The following FGF12 variants were observed in gnomAD, a reference collection of about 807,000 sequenced individuals.
The protein encoded by FGF12 is fibroblast growth factor 12B.
A neutral mutation model predicts 23.6 loss-of-function variants in FGF12; 14 were observed. The observed-to-expected ratio is 0.59, with a 90% CI of 0.39 to 0.93. The LOEUF is 0.93. Among genes scored for constraint, FGF12 ranks in the 40% least tolerant of loss-of-function variants. FGF12 has a pLI of 0.00. For synonymous variants in FGF12, 62 were observed against 77.3 expected, an observed-to-expected ratio of 0.80 and a Z score of 1.04; for missense variants, 175 against 217.8, an observed-to-expected ratio of 0.80 and a Z score of 1.24.
At chr3:192,555,117 T>C (rs1711707139) in intron 2 of FGF12, among the ~76,000 whole-genome samples, 1 of 152,248 alleles carries the variant, frequency 6.6e-6, no homozygotes, top group East Asian at 1.9e-4. Context: ...GAAAGATTAT[T>C]TGAAGAAGTA....
At chr3:192,248,698 T>G (rs1307178004) in intron 4 of FGF12, among the ~76,000 whole-genome samples, 1 of 152,160 alleles carries the variant, frequency 6.6e-6, no homozygotes, top group Non-Finnish European at 1.5e-5. Flanking sequence ...GGATGACTTC[T>G]GCCCCGGGGG....
chr3:192,727,422 G>T, intron 1 of FGF12, 62 bp downstream of exon 1: 1 of 1,292,822 alleles, frequency 7.7e-7, no homozygotes, highest in Non-Finnish European at 1.0e-6. Context: ...ACGTTGCGAC[G>T]CGCATCTGAT....
intron 2 of FGF12, among the ~76,000 whole-genome samples, chr3:192,689,179 G>A (rs1327067244): frequency 1.3e-5 from 2 of 152,112 alleles, no homozygotes; most frequent in African/African-American, 4.8e-5. Flanking sequence ...CCAGAGTAAG[G>A]TGACTACAGG....
chr3:192,148,463 T>G (rs1289585435), intron 5 of FGF12, among the ~76,000 whole-genome samples: 1 of 152,170 alleles, frequency 6.6e-6, no homozygotes, highest in East Asian at 1.9e-4. Flanking sequence ...GAATGGGGAT[T>G]TCTTATTTAA....
chr3:192,427,192 C>T (rs1721713526), intron 2 of FGF12, among the ~76,000 whole-genome samples: 1 of 151,864 alleles, frequency 6.6e-6, no homozygotes, highest in Non-Finnish European at 1.5e-5. Context: ...ACCAGCCTGA[C>T]CAACATGGTG....
intron 2 of FGF12, among the ~76,000 whole-genome samples, chr3:192,465,162 G>A (rs924203562): frequency 1.3e-5 from 2 of 152,102 alleles, no homozygotes; most frequent in African/African-American, 4.8e-5. Context: ...TTTTTACCTT[G>A]CAGAACTTTT....
chr3:192,501,677 C>G (rs1332595162), intron 2 of FGF12, among the ~76,000 whole-genome samples: 1 of 152,122 alleles, frequency 6.6e-6, no homozygotes, highest in Non-Finnish European at 1.5e-5. Flanking sequence ...ACCGTAATTG[C>G]CAGAGAAGAT....
intron 4 of FGF12, chr3:192,245,127 G>C (rs1324730105): frequency 1.4e-5 from 2 of 139,152 alleles, no homozygotes; most frequent in African/African-American, 5.4e-5. Context: ...GCAGGAACTC[G>C]TTTTGTCATC....
chr3:192,293,577 G>T (rs1303355033), intron 4 of FGF12, among the ~76,000 whole-genome samples: 1 of 152,174 alleles, frequency 6.6e-6, no homozygotes, highest in Non-Finnish European at 1.5e-5. Context: ...AGAGAATAAT[G>T]CAGGTGAATA....
chr3:192,227,380 T>C (rs1388209544), intron 4 of FGF12, among the ~76,000 whole-genome samples: 1 of 152,028 alleles, frequency 6.6e-6, no homozygotes, highest in East Asian at 1.9e-4. Flanking sequence ...ATCCTTTCCT[T>C]TGCTTTTATG....
intron 2 of FGF12, chr3:192,516,597 G>C (rs983754763): frequency 3.2e-4 from 49 of 152,346 alleles, no homozygotes; most frequent in African/African-American, 1.1e-3. Context: ...CAGAACATCT[G>C]GAGGGCCGCT....
At chr3:192,303,821 G>A (rs1482237951) in intron 4 of FGF12, among the ~76,000 whole-genome samples, 1 of 152,154 alleles carries the variant, frequency 6.6e-6, no homozygotes, top group Non-Finnish European at 1.5e-5. Flanking sequence ...TCTCACAGCA[G>A]TGTTGTGCTA....
At chr3:192,293,271 A>G (rs531849193) in intron 4 of FGF12, among the ~76,000 whole-genome samples, 1 of 152,328 alleles carries the variant, frequency 6.6e-6, no homozygotes, top group African/African-American at 2.4e-5. Context: ...TAGAGGAAGA[A>G]AAACACTTTC....
chr3:192,513,075 T>G (rs577179658), intron 2 of FGF12, among the ~76,000 whole-genome samples: 49 of 151,868 alleles, frequency 3.2e-4, no homozygotes, highest in African/African-American at 1.2e-3. Flanking sequence ...TAATTTGACA[T>G]GAGAGACTGC....
chr3:192,303,641 T>C (rs1310829439), intron 4 of FGF12, among the ~76,000 whole-genome samples: 1 of 152,222 alleles, frequency 6.6e-6, no homozygotes, highest in African/African-American at 2.4e-5. Flanking sequence ...GTGTTTAAAT[T>C]ATGAACAGGT....
rs530158995 is a variant in FGF12, at chr3:192,263,943, T to A, written c.228+71418A>T. On this transcript the variant is annotated intron_variant, in intron 4 of 5. Coordinates refer to ENST00000445105, the MANE Select transcript of FGF12 (RefSeq NM_004113.6). The stretch of plus-strand genomic sequence containing the variant: ...TCAAAATCATCTTAAACAGTTAATA[T>A]CAGTATGCAGAATAAAACTGAACTT... Among the ~76,000 whole-genome samples the A allele has an allele frequency of 2.0e-5, 3 of 152,194 alleles. No individual in the cohort carries two copies. In the South Asian group the frequency reaches 6.2e-4, roughly 32 times the overall value.
rs1452181660 is a variant in FGF12 at position 192,466,003 on chromosome 3, G to A, written c.14-105465C>T. On this transcript the variant is annotated intron_variant, in intron 2 of 5. Transcript: ENST00000445105. ...ATGACTGGAAGATGCATCATCAGGC[G>A]ATCGCTACTGTGAGCATTGTGCGAT... 5.3e-5 allele frequency among the ~76,000 whole-genome samples: 8 copies of A among 152,080 alleles called. No homozygotes were observed. In the East Asian group the frequency reaches 5.8e-4, roughly 11 times the overall value.
intron 2 of FGF12, among the ~76,000 whole-genome samples, chr3:192,550,490 C>T (rs1269482197): frequency 4.0e-5 from 6 of 150,970 alleles, no homozygotes; most frequent in African/African-American, 1.5e-4. Context: ...ATTGAAGAAC[C>T]ATGAGTTCCA....
In FGF12 at chr3:192,721,035, C is replaced by T. The variant is rs536054708; in HGVS notation, c.13+6146G>A. On this transcript the variant is annotated intron_variant, in intron 2 of 5. Transcript: ENST00000445105. Reference sequence around the variant, plus strand: ...TAGAGACAAATTCAGGTGTTGGAGACGTTACTATTAAAACTGTAGAATAAG... The same window carrying T: ...TAGAGACAAATTCAGGTGTTGGAGATGTTACTATTAAAACTGTAGAATAAG... Among the ~76,000 whole-genome samples, 6 of 152,246 alleles carry T rather than the reference C, an allele frequency of 3.9e-5. No individual in the cohort carries two copies. The East Asian group carries it at 5.8e-4, about 15-fold the overall frequency.
Sources: gnomAD v4.1 joint callset for allele counts (sites outside exome capture counted in the v4.1 genomes callset) on GRCh38, gnomAD v4.1.1 for gene constraint, MANE v1.5 for transcripts, NCBI Gene and HGNC (gene_info 2026-07-23, HGNC 2026-07-21) for gene names.